Variants in CNOT8 observed in about 807,000 individuals in gnomAD.
CNOT8 encodes CAF1-like protein.
Under a neutral mutation model 34.6 loss-of-function variants are expected in CNOT8, and 18 were observed. The observed-to-expected ratio is 0.52, with a 90% CI of 0.36 to 0.77. The LOEUF is 0.77. Ranked by LOEUF, CNOT8 falls within the 30% of genes least tolerant of loss-of-function variation. The pLI, the probability that CNOT8 is intolerant of heterozygous loss-of-function variation, is 0.00. For synonymous variants in CNOT8, 101 were observed against 118.8 expected, an observed-to-expected ratio of 0.85 and a Z score of 0.98; for missense variants, 189 against 347.9, an observed-to-expected ratio of 0.54 and a Z score of 3.63.
intron 2 of CNOT8, among the ~76,000 whole-genome samples, chr5:154,864,317 G>A (rs1194944930): frequency 1.3e-5 from 2 of 152,070 alleles, no homozygotes; most frequent in Admixed American, 6.6e-5. Flanking sequence ...AAAATTAGCC[G>A]GGCATGGTGG....
At chr5:154,873,281 CAT>C (rs1467430214) in intron 6 of CNOT8, among the ~76,000 whole-genome samples, 1 of 152,178 alleles carries the variant, frequency 6.6e-6, no homozygotes, top group Non-Finnish European at 1.5e-5. Context: ...CTGCATGTCA[CAT>C]GTTTGAGAGG....
rs1761540178 is a variant in CNOT8, at chr5:154,863,389, T to C, written c.111T>C (p.Ile37=). ...IREIVLSYSY[I]AMDTEFPGVV... is the part of the protein sequence containing the mutation. Reference sequence around the variant, plus strand: ...AAATCGTGCTCAGTTACAGTTATATTGCCATGGTAAGGAGCTCTACTCTGA... The same window carrying C: ...AAATCGTGCTCAGTTACAGTTATATCGCCATGGTAAGGAGCTCTACTCTGA... The change falls in exon 2 of 7, where the codon ATT becomes ATC. Residue 37 remains isoleucine, a synonymous_variant. Coordinates refer to ENST00000285896, the MANE Select transcript of CNOT8 (RefSeq NM_001301073.2). 6.2e-7 allele frequency: 1 copy of C among 1,607,216 alleles called. No individual in the cohort carries two copies. Among genetic ancestry groups the C allele is most frequent in the Non-Finnish European group, 8.5e-7 (1 of 1,173,786 alleles).
intron 3 of CNOT8, among the ~76,000 whole-genome samples, chr5:154,865,685 C>T (rs1582589729): frequency 1.3e-5 from 2 of 152,324 alleles, no homozygotes; most frequent in South Asian, 2.1e-4. Flanking sequence ...CCACTTCACA[C>T]CCACTAGAAT....
intron 4 of CNOT8, among the ~76,000 whole-genome samples, 171 bp from the exon 5 acceptor site, chr5:154,871,559 C>CAAAAAAA (rs372899952): frequency 3.6e-5 from 2 of 55,412 alleles, no homozygotes; most frequent in Non-Finnish European, 7.4e-5. Flanking sequence ...GACTCTGTCT[C>CAAAAAAA]AAAAAAAAAA....
chr5:154,864,333 G>T (rs1041375619), intron 2 of CNOT8, among the ~76,000 whole-genome samples: 2 of 152,002 alleles, frequency 1.3e-5, no homozygotes, highest in East Asian at 1.9e-4. Flanking sequence ...GGTGGTGGGC[G>T]CCTGTAGTCC....
intron 1 of CNOT8, among the ~76,000 whole-genome samples, chr5:154,861,425 G>T (rs1761325236): frequency 1.3e-5 from 2 of 152,302 alleles, no homozygotes; most frequent in South Asian, 4.1e-4. Context: ...AATCTTCAAG[G>T]TTTGCTGGCA....
In CNOT8 at chr5:154,863,319, A is replaced by T; in HGVS notation, c.41A>T (p.Glu14Val). 6.2e-7 allele frequency: 1 copy of T among 1,614,150 alleles called. No homozygotes were observed. The highest frequency in any genetic ancestry group is 8.5e-7 in the Non-Finnish European group (1 of 1,180,006). ...ALVENSQVIC[E>V]VWASNLEEEM... Reference sequence around the variant, plus strand: ...GTGGAGAATAGCCAGGTTATCTGTGAAGTGTGGGCCAGTAATCTAGAAGAA... The same window carrying T: ...GTGGAGAATAGCCAGGTTATCTGTGTAGTGTGGGCCAGTAATCTAGAAGAA... Residue 14 changes from glutamate (E) to valine (V), a missense_variant, in exon 2 of 7, where the codon GAA becomes GTA. Transcript: ENST00000285896.
Position 154,863,374 on chromosome 5 carries a change from C to T in CNOT8, c.96C>T (p.Leu32=). The change falls in exon 2 of 7, where the codon CTC becomes CTT. Residue 32 remains leucine (L), a synonymous_variant. Coordinates refer to ENST00000285896, the MANE Select transcript of CNOT8 (RefSeq NM_001301073.2). ...EEMRKIREIV[L]SYSYIAMDTE... is the part of the protein sequence containing the mutation. ...TGAGGAAGATCCGAGAAATCGTGCTCAGTTACAGTTATATTGCCATGGTAA... is the reference window on the plus strand; with the variant it reads ...TGAGGAAGATCCGAGAAATCGTGCTTAGTTACAGTTATATTGCCATGGTAA... 3.7e-6 allele frequency: 6 copies of T among 1,612,516 alleles called. No individual in the cohort carries two copies. Among genetic ancestry groups the T allele is most frequent in the Non-Finnish European group, 5.1e-6 (6 of 1,178,550 alleles).
intron 6 of CNOT8, among the ~76,000 whole-genome samples, chr5:154,873,647 AC>A (rs952179472): frequency 6.6e-6 from 1 of 152,192 alleles, no homozygotes; most frequent in African/African-American, 2.4e-5. Flanking sequence ...TTTTGTTGAC[AC>A]TTTTGAGGAC....
intron 6 of CNOT8, 148 bp from the exon 7 acceptor site, chr5:154,875,142 C>CCTGA: frequency 1.2e-6 from 1 of 804,156 alleles, no homozygotes. Flanking sequence ...GTCTCGACCT[C>CCTGA]CTGACCCCAA....
Position 154,871,766 on chromosome 5 carries a change from A to G in CNOT8, c.510A>G (p.Thr170=). 6.2e-7 allele frequency: 1 copy of G among 1,614,058 alleles called. No homozygotes were observed. The highest frequency in any genetic ancestry group is 8.5e-7 in the Non-Finnish European group (1 of 1,179,950). ...TTGGCTATATGGTAAAGTTGCTTACAGATTCTCGTTTGCCAGAAGAGGAAC... is the reference window on the plus strand; with the variant it reads ...TTGGCTATATGGTAAAGTTGCTTACGGATTCTCGTTTGCCAGAAGAGGAAC... ...YDFGYMVKLL[T]DSRLPEEEHE... Residue 170 remains threonine (T), a synonymous_variant, in exon 5 of 7, where the codon ACA becomes ACG. Transcript: ENST00000285896.
intron 1 of CNOT8, chr5:154,859,790 G>A (rs1761148185): frequency 6.6e-6 from 1 of 152,194 alleles, no homozygotes. Context: ...TTTTGGAGAA[G>A]TTTACACCGT....
rs1272445773 is a variant in CNOT8 at position 154,871,875 on chromosome 5, G to A, written c.618+1G>A. Reference sequence around the variant, plus strand: ...GATGAAGAGCTGCAAAAATCTTAAGGTATATGATGTTTTTCTTAATACCAG... The same window carrying A: ...GATGAAGAGCTGCAAAAATCTTAAGATATATGATGTTTTTCTTAATACCAG... On this transcript the variant is annotated splice_donor_variant, in intron 5 of 6. Transcript: ENST00000285896. LOFTEE classifies it high-confidence loss of function. 1 of 1,605,976 alleles carries A rather than the reference G, an allele frequency of 6.2e-7. No homozygotes were observed. Among genetic ancestry groups the A allele is most frequent in the Non-Finnish European group, 8.5e-7 (1 of 1,176,998 alleles).
chr5:154,860,363 C>T (rs40584), intron 1 of CNOT8, among the ~76,000 whole-genome samples: 7,596 of 152,106 alleles, frequency 0.05, 326 homozygotes, highest in African/African-American at 0.12. Flanking sequence ...AATGCAGTGG[C>T]GTAATCACAG....
At chr5:154,870,950 G>C (rs1762431628) in intron 4 of CNOT8, 128 bp downstream of exon 4, 1 of 782,668 alleles carries the variant, frequency 1.3e-6, no homozygotes, top group African/African-American at 1.7e-5. Context: ...AGTTGAATTG[G>C]TGCTTGTTGC....
At chr5:154,864,240 C>T (rs972000397) in intron 2 of CNOT8, among the ~76,000 whole-genome samples, 20 of 152,166 alleles carry the variant, frequency 1.3e-4, no homozygotes, top group Non-Finnish European at 2.4e-4. Flanking sequence ...ACGGGCGGAT[C>T]ACGAGGTCAG....
rs35385765 is a variant in CNOT8 at position 154,864,657 on chromosome 5, C to T, written c.118-535C>T. ...GACTGCATATCTACCTGTAGTTACT[C>T]AACTCTTTCTATTGACATTCTGCTT... On this transcript the variant is annotated intron_variant, in intron 2 of 6. Transcript: ENST00000285896. Among the ~76,000 whole-genome samples the T allele has an allele frequency of 1.4e-3, 207 of 152,108 alleles. 2 individuals carry two copies. The highest frequency in any genetic ancestry group is 2.7e-3 in the Non-Finnish European group (182 of 68,016).
At chr5:154,860,380 G>C (rs1377805923) in intron 1 of CNOT8, among the ~76,000 whole-genome samples, 1 of 152,158 alleles carries the variant, frequency 6.6e-6, no homozygotes. Flanking sequence ...ACAGCTCACT[G>C]CTGCAGCCTT....
At chr5:154,870,843 A>G (rs1170953137) in intron 4 of CNOT8, 21 bp downstream of exon 4, 1 of 1,584,168 alleles carries the variant, frequency 6.3e-7, no homozygotes, top group Middle Eastern at 1.7e-4. Flanking sequence ...GGGAATGTGT[A>G]TTTCTCTCTC....
Sources: gnomAD v4.1 joint callset for allele counts (sites outside exome capture counted in the v4.1 genomes callset) on GRCh38, gnomAD v4.1.1 for gene constraint, MANE v1.5 for transcripts, NCBI Gene and HGNC (gene_info 2026-07-23, HGNC 2026-07-21) for gene names.